Variants in THSD7B observed in about 807,000 individuals in gnomAD.
THSD7B encodes thrombospondin type-1 domain-containing protein 7B.
THSD7B carries 138 observed loss-of-function variants against 213.6 expected under a neutral mutation model. That is an observed-to-expected ratio of 0.65 (90% CI 0.56 to 0.74). The LOEUF is 0.74. Ranked by LOEUF, THSD7B falls within the 30% of genes least tolerant of loss-of-function variation. The pLI is 0.00. For missense variants in THSD7B, 1,931 were observed against 1,991.5 expected, an observed-to-expected ratio of 0.97 and a Z score of 0.58; for synonymous variants, 742 against 687.0, an observed-to-expected ratio of 1.08 and a Z score of -1.25.
At chr2:137,221,767 T>TA (rs535263421) in intron 7 of THSD7B, among the ~76,000 whole-genome samples, 226 of 152,326 alleles carry the variant, frequency 1.5e-3, no homozygotes, top group African/African-American at 5.3e-3. Flanking sequence ...TTCTGAAGGT[T>TA]AATTACAGAG....
chr2:136,836,136 A>G (rs1682838757), intron 1 of THSD7B, among the ~76,000 whole-genome samples: 1 of 152,238 alleles, frequency 6.6e-6, no homozygotes, highest in African/African-American at 2.4e-5. Context: ...TAGTCAAAAC[A>G]GTGTAAGCCA....
intron 17 of THSD7B, among the ~76,000 whole-genome samples, chr2:137,597,896 C>T (rs569792522): frequency 6.6e-6 from 1 of 151,972 alleles, no homozygotes; most frequent in African/African-American, 2.4e-5. Context: ...AGATATAGCC[C>T]TCAGTTTTCA....
intron 7 of THSD7B, among the ~76,000 whole-genome samples, chr2:137,185,396 C>T (rs975379698): frequency 9.2e-5 from 14 of 152,014 alleles, no homozygotes; most frequent in African/African-American, 3.4e-4. Flanking sequence ...TTCATCCATC[C>T]CTTGCCCCCT....
intron 26 of THSD7B, among the ~76,000 whole-genome samples, chr2:137,665,921 CTT>C (rs992673973): frequency 1.3e-5 from 2 of 151,982 alleles, no homozygotes; most frequent in African/African-American, 4.8e-5. Flanking sequence ...CCATTTGTGT[CTT>C]TTTAAGAAGT....
At chr2:137,387,236 C>T (rs747724341) in intron 12 of THSD7B, among the ~76,000 whole-genome samples, 14 of 152,192 alleles carry the variant, frequency 9.2e-5, no homozygotes, top group African/African-American at 3.4e-4. Context: ...CCTGACACAC[C>T]CACTTGCCAG....
chr2:136,943,785 A>G (rs1684876071), intron 2 of THSD7B, among the ~76,000 whole-genome samples: 1 of 151,860 alleles, frequency 6.6e-6, no homozygotes, highest in Non-Finnish European at 1.5e-5. Context: ...CTTCTTTATT[A>G]GTCTTGCTAG....
intron 2 of THSD7B, among the ~76,000 whole-genome samples, chr2:137,017,984 CTTT>C (rs557685032): frequency 7.1e-6 from 1 of 140,296 alleles, no homozygotes. Flanking sequence ...TTTGTCTTCC[CTTT>C]TTTTTTTTTT....
At chr2:137,318,172 A>G (rs1204806942) in intron 12 of THSD7B, among the ~76,000 whole-genome samples, 1 of 152,200 alleles carries the variant, frequency 6.6e-6, no homozygotes, top group African/African-American at 2.4e-5. Flanking sequence ...TTTTGCTTCA[A>G]GCATGATTAA....
chr2:137,346,493 T>TCTCC (rs1403961170), intron 12 of THSD7B, among the ~76,000 whole-genome samples: 1 of 150,514 alleles, frequency 6.6e-6, no homozygotes, highest in Non-Finnish European at 1.5e-5. Context: ...TCTCTCTCTC[T>TCTCC]CTCTCCCTCT....
intron 13 of THSD7B, among the ~76,000 whole-genome samples, chr2:137,408,859 C>T (rs533604435): frequency 6.6e-6 from 1 of 152,286 alleles, no homozygotes; most frequent in African/African-American, 2.4e-5. Flanking sequence ...GGGAGTAACC[C>T]ATGAGTTTTG....
intron 12 of THSD7B, among the ~76,000 whole-genome samples, chr2:137,353,322 A>C (rs1187436625): frequency 6.6e-6 from 1 of 152,100 alleles, no homozygotes; most frequent in African/African-American, 2.4e-5. Context: ...TTATTAGCTC[A>C]TTCCTGGTGC....
rs1170438803 is a variant in THSD7B at position 136,920,773 on chromosome 2, C to T, written c.139+38456C>T. Among the ~76,000 whole-genome samples the T allele has an allele frequency of 2.0e-5, 3 of 152,236 alleles. No homozygotes were observed. The East Asian group carries it at 5.8e-4, about 30-fold the overall frequency. ...CTGTAGGCCTGCACCAAGCTGCCCT[C>T]AGCTCCCCTGGCCTGCCTCCTGTGC... is the stretch of plus-strand genomic sequence containing the variant. On this transcript the variant is annotated intron_variant, in intron 2 of 27. Transcript: ENST00000409968.
chr2:137,041,838 T>C (rs1429322533), intron 2 of THSD7B, among the ~76,000 whole-genome samples: 1 of 152,110 alleles, frequency 6.6e-6, no homozygotes, highest in Admixed American at 6.5e-5. Flanking sequence ...GTGTGGCCAA[T>C]AAAGTACATC....
At chr2:137,294,428 C>CA (rs1460837126) in intron 12 of THSD7B, among the ~76,000 whole-genome samples, 4 of 151,618 alleles carry the variant, frequency 2.6e-5, no homozygotes, top group Admixed American at 6.6e-5. Flanking sequence ...AATAAAAATA[C>CA]AAAAATTAGC....
At chr2:136,977,254 G>C (rs1685496243) in intron 2 of THSD7B, among the ~76,000 whole-genome samples, 1 of 152,020 alleles carries the variant, frequency 6.6e-6, no homozygotes, top group African/African-American at 2.4e-5. Context: ...ATTCTCTGAT[G>C]GTTATTTGTA....
At chr2:137,404,474 TAC>T (rs1207612144) in intron 12 of THSD7B, among the ~76,000 whole-genome samples, 2,924 of 39,952 alleles carry the variant, frequency 0.073, 189 homozygotes, top group Non-Finnish European at 0.085. Flanking sequence ...TATATATATA[TAC>T]ACACACACAC....
At chr2:137,493,245 A>C (rs941688168) in intron 15 of THSD7B, among the ~76,000 whole-genome samples, 1 of 152,076 alleles carries the variant, frequency 6.6e-6, no homozygotes, top group Non-Finnish European at 1.5e-5. Flanking sequence ...CTTTTCCAGA[A>C]AGAGATTTAC....
At chr2:137,634,106 T>A (rs893160556) in intron 20 of THSD7B, among the ~76,000 whole-genome samples, 1 of 152,150 alleles carries the variant, frequency 6.6e-6, no homozygotes, top group Non-Finnish European at 1.5e-5. Context: ...AGTGGAACTC[T>A]TTTATTCATT....
rs773458822 is a variant in THSD7B, at chr2:136,779,196, A to ATGTGTG, written c.-36+13510_-36+13511insGTGTGT. Reference sequence around the variant, plus strand: ...ACACGTGTTAAAAGGCTATATATATATATGTGTGTGTGTGTGTGTGTGTGT... The same window carrying ATGTGTG: ...ACACGTGTTAAAAGGCTATATATATATGTGTGTATGTGTGTGTGTGTGTGTGTGTGT... On this transcript the variant is annotated intron_variant, in intron 1 of 27. Coordinates refer to ENST00000409968, the MANE Select transcript of THSD7B (RefSeq NM_001316349.2). Among the ~76,000 whole-genome samples, 88 of 134,366 alleles carry ATGTGTG rather than the reference A, an allele frequency of 6.5e-4. 1 individual carries two copies. Among genetic ancestry groups the ATGTGTG allele is most frequent in the Admixed American group, 1.6e-3 (21 of 13,436 alleles). 88.1% of individuals were successfully genotyped at this position (134,366 alleles called of 152,430 possible). A position where few individuals can be genotyped will look rare whatever the true frequency, so the allele number is the denominator to read the frequency against.
Sources: gnomAD v4.1 joint callset for allele counts (sites outside exome capture counted in the v4.1 genomes callset) on GRCh38, gnomAD v4.1.1 for gene constraint, MANE v1.5 for transcripts, NCBI Gene and HGNC (gene_info 2026-07-23, HGNC 2026-07-21) for gene names.